ABI2: variants seen among roughly 807,000 people sequenced by gnomAD.
The protein encoded by ABI2 is abelson interactor 2.
A neutral mutation model predicts 59.2 loss-of-function variants in ABI2; 25 were observed. The ratio of observed to expected loss-of-function variants is 0.42; its 90% confidence interval spans 0.31 to 0.59. ABI2 has a LOEUF of 0.59. Ranked by LOEUF, ABI2 falls within the 20% of genes least tolerant of loss-of-function variation. ABI2 has a pLI of 0.14. For missense variants in ABI2, 545 were observed against 681.8 expected (o/e 0.80, Z 2.23); for synonymous variants, 213 against 235.5 (o/e 0.90, Z 0.87).
intron 1 of ABI2, among the ~76,000 whole-genome samples, chr2:203,340,428 A>G (rs2079160121): frequency 6.6e-6 from 1 of 151,764 alleles, no homozygotes; most frequent in Non-Finnish European, 1.5e-5. Context: ...GTACAGTGGC[A>G]TGATCACGGC....
At chr2:203,371,006 G>T (rs1276867137) in intron 2 of ABI2, among the ~76,000 whole-genome samples, 1 of 152,118 alleles carries the variant, frequency 6.6e-6, no homozygotes, top group Admixed American at 6.6e-5. Context: ...AAAAGATCAG[G>T]GCATCTAGGC....
intron 1 of ABI2, among the ~76,000 whole-genome samples, chr2:203,364,748 T>C (rs1336708443): frequency 1.3e-5 from 2 of 151,898 alleles, no homozygotes; most frequent in Non-Finnish European, 2.9e-5. Context: ...TTTTTTTTTT[T>C]TCAAGAGACA....
chr2:203,365,295 C>T (rs2152976892), intron 1 of ABI2, among the ~76,000 whole-genome samples: 1 of 152,186 alleles, frequency 6.6e-6, no homozygotes, highest in Non-Finnish European at 1.5e-5. Context: ...TCGTAGATAT[C>T]TTTACATAGC....
At chr2:203,382,574 A>T (rs983454945) in intron 4 of ABI2, among the ~76,000 whole-genome samples, 4 of 152,202 alleles carry the variant, frequency 2.6e-5, no homozygotes, top group South Asian at 2.1e-4. Context: ...TTATAAATAT[A>T]GAGACTTTGT....
chr2:203,361,929 C>T (rs969055942), intron 1 of ABI2, among the ~76,000 whole-genome samples: 1 of 152,192 alleles, frequency 6.6e-6, no homozygotes, highest in Admixed American at 6.5e-5. Flanking sequence ...AAAATAATTA[C>T]TTCCCTTGTG....
At chr2:203,416,848 A>C in intron 10 of ABI2, 60 bp from the exon 11 acceptor site, 1 of 1,468,258 alleles carries the variant, frequency 6.8e-7, no homozygotes, top group African/African-American at 1.4e-5. Context: ...AGAAGCTTGG[A>C]TAGGAAATAC....
chr2:203,382,049 T>G, intron 3 of ABI2, 140 bp from the exon 4 acceptor site: 1 of 644,656 alleles, frequency 1.6e-6, no homozygotes, highest in Non-Finnish European at 2.6e-6. Context: ...TTCTATGATC[T>G]ACTGAAACAT....
chr2:203,354,533 A>G (rs763437808), intron 1 of ABI2, among the ~76,000 whole-genome samples: 1 of 152,196 alleles, frequency 6.6e-6, no homozygotes, highest in Admixed American at 6.5e-5. Flanking sequence ...CTGAATTTTT[A>G]CCCTGTCTGG....
At chr2:203,384,173 G>A (rs564101002) in intron 4 of ABI2, among the ~76,000 whole-genome samples, 1 of 151,962 alleles carries the variant, frequency 6.6e-6, no homozygotes, top group Non-Finnish European at 1.5e-5. Context: ...AGCAAAGGAC[G>A]TACAAGGTCA....
intron 11 of ABI2, among the ~76,000 whole-genome samples, chr2:203,418,495 C>A (rs1245950996): frequency 6.6e-6 from 1 of 152,236 alleles, no homozygotes; most frequent in Non-Finnish European, 1.5e-5. Context: ...GCCTGACGGC[C>A]TCGGCTTCTT....
chr2:203,368,538 C>T (rs1035655798), intron 2 of ABI2, among the ~76,000 whole-genome samples: 3 of 151,886 alleles, frequency 2.0e-5, no homozygotes, highest in Admixed American at 6.6e-5. Context: ...AAATATAGTC[C>T]AGATAATAAA....
Position 203,420,107 on chromosome 2 carries a change from T to C in ABI2, c.1453+3026T>C, listed in dbSNP as rs115081771. 4.4e-3 allele frequency among the ~76,000 whole-genome samples: 671 copies of C among 152,326 alleles called. 3 individuals are homozygous for C. Among genetic ancestry groups the C allele is most frequent in the African/African-American group, 0.015 (633 of 41,562 alleles). ...AACTATTAATAGTTAAGTGTTAGAATTGGGATTTGACTGGGTGGTATAACT... is the reference window on the plus strand; with the variant it reads ...AACTATTAATAGTTAAGTGTTAGAACTGGGATTTGACTGGGTGGTATAACT... On this transcript the variant is annotated intron_variant, in intron 11 of 11. Transcript: ENST00000261018.
intron 4 of ABI2, among the ~76,000 whole-genome samples, chr2:203,387,939 T>C (rs1213183899): frequency 6.6e-6 from 1 of 152,156 alleles, no homozygotes; most frequent in Non-Finnish European, 1.5e-5. Context: ...TCTTAAATAC[T>C]TCCCTCAAAA....
At chr2:203,395,567 G>T in intron 6 of ABI2, 89 bp from the exon 7 acceptor site, 2 of 1,371,292 alleles carry the variant, frequency 1.5e-6, no homozygotes, top group South Asian at 1.5e-5. Flanking sequence ...CTTTATTGTA[G>T]CTACATTCAT....
At chr2:203,396,725 C>A in intron 7 of ABI2, 60 bp from the exon 8 acceptor site, 2 of 1,436,882 alleles carry the variant, frequency 1.4e-6, no homozygotes, top group South Asian at 3.0e-5. Flanking sequence ...AATACCTTTT[C>A]TAATCCTGCC....
At chr2:203,425,130 A>G (rs2098387729) in intron 11 of ABI2, among the ~76,000 whole-genome samples, 2 of 151,592 alleles carry the variant, frequency 1.3e-5, no homozygotes, top group Admixed American at 6.6e-5. Flanking sequence ...GAATGTAGAT[A>G]GAGCTTACTA....
At chr2:203,346,250 T>TG (rs2083452922) in intron 1 of ABI2, among the ~76,000 whole-genome samples, 1 of 152,206 alleles carries the variant, frequency 6.6e-6, no homozygotes, top group Non-Finnish European at 1.5e-5. Flanking sequence ...AGTTTATTGT[T>TG]GCAGATGTGC....
At chr2:203,369,892 G>A (rs547681178) in intron 2 of ABI2, among the ~76,000 whole-genome samples, 1 of 124,720 alleles carries the variant, frequency 8.0e-6, no homozygotes, top group South Asian at 2.9e-4. Flanking sequence ...GTATTTTCTA[G>A]CATTTGCCTC....
intron 8 of ABI2, 85 bp downstream of exon 8, chr2:203,397,052 GT>G: frequency 7.8e-7 from 1 of 1,284,450 alleles, no homozygotes; most frequent in Non-Finnish European, 9.8e-7. Context: ...TTTGTTTTTG[GT>G]TTTGTTGTAC....
Sources: gnomAD v4.1 joint callset for allele counts (sites outside exome capture counted in the v4.1 genomes callset) on GRCh38, gnomAD v4.1.1 for gene constraint, MANE v1.5 for transcripts, NCBI Gene and HGNC (gene_info 2026-07-23, HGNC 2026-07-21) for gene names.